ZDHHC7: variants seen among roughly 807,000 people sequenced by gnomAD.
ZDHHC7 encodes palmitoyltransferase ZDHHC7.
Under a neutral mutation model 34.1 loss-of-function variants are expected in ZDHHC7, and 12 were observed. That is an observed-to-expected ratio of 0.35 (90% CI 0.23 to 0.57). The LOEUF (loss-of-function observed/expected upper bound fraction) is 0.57, where lower values mean the gene tolerates loss of function less well. ZDHHC7 is among the 20% of genes least tolerant of loss of function. The pLI is 0.84. For synonymous variants in ZDHHC7, 185 were observed against 155.4 expected, an observed-to-expected ratio of 1.19 and a Z score of -1.42; for missense variants, 388 against 402.7, an observed-to-expected ratio of 0.96 and a Z score of 0.31.
At chr16:84,991,885 T>C (rs762942616) in intron 2 of ZDHHC7, among the ~76,000 whole-genome samples, 5 of 152,020 alleles carry the variant, frequency 3.3e-5, no homozygotes, top group Admixed American at 2.0e-4. Flanking sequence ...TCTAAGAACA[T>C]ACAAGATCTA....
At chr16:85,020,929 T>A in the ZDHHC7 span, among the ~76,000 whole-genome samples, 1 of 150,644 alleles carries the variant, frequency 6.6e-6, no homozygotes, top group Admixed American at 6.6e-5. Context: ...ACATAGTGAG[T>A]CCCCATCTCA....
the ZDHHC7 span, among the ~76,000 whole-genome samples, chr16:85,017,384 C>T: frequency 1.1e-4 from 17 of 152,236 alleles, no homozygotes; most frequent in African/African-American, 3.4e-4. Context: ...GCGGAACAAC[C>T]GAACTTCCGC....
upstream of ZDHHC7, among the ~76,000 whole-genome samples, chr16:85,012,424 G>T (rs1339028500): frequency 6.7e-6 from 1 of 148,300 alleles, no homozygotes; most frequent in African/African-American, 2.5e-5. Flanking sequence ...ATAAAATTAT[G>T]ACTCTCACAC....
upstream of ZDHHC7, among the ~76,000 whole-genome samples, chr16:85,011,918 G>A (rs1351792033): frequency 6.6e-6 from 1 of 152,220 alleles, no homozygotes; most frequent in African/African-American, 2.4e-5. Context: ...GAGTGGAAAT[G>A]GCTGAGCCAG....
intron 1 of ZDHHC7, among the ~76,000 whole-genome samples, chr16:85,011,038 G>C (rs1387099667): frequency 6.6e-6 from 1 of 152,258 alleles, no homozygotes; most frequent in African/African-American, 2.4e-5. Context: ...CCCAAGGTCA[G>C]GCAAAAAGCT....
intron 1 of ZDHHC7, chr16:85,004,869 A>G (rs1053588173): frequency 2.0e-5 from 3 of 152,248 alleles, no homozygotes; most frequent in African/African-American, 7.2e-5. Flanking sequence ...AGAAATGCAC[A>G]AGGGTTATAG....
upstream of ZDHHC7, among the ~76,000 whole-genome samples, chr16:85,012,960 G>A (rs1439276210): frequency 2.0e-5 from 3 of 152,136 alleles, no homozygotes; most frequent in South Asian, 2.1e-4. Flanking sequence ...ATGCCTCTTC[G>A]ACAGAAAAAT....
Position 84,998,749 on chromosome 16 carries a change from CTTTTTTTTTTT to C in ZDHHC7, c.-103-2753_-103-2743del, listed in dbSNP as rs71151260. Among the ~76,000 whole-genome samples the C allele has an allele frequency of 2.9e-3, 329 of 112,546 alleles. 2 individuals are homozygous for C. The highest frequency in any genetic ancestry group is 3.3e-3 in the Non-Finnish European group (186 of 56,428). 73.8% of individuals were successfully genotyped at this position (112,546 alleles called of 152,430 possible). On this transcript the variant is annotated intron_variant, in intron 1 of 7. Transcript: ENST00000313732. ...CTCCAGCTCTCAATCCCTTCTGAACCTTTTTTTTTTTTTTTTTTTTTTGAGATGGAGTCTCA... is the reference window on the plus strand; with the variant it reads ...CTCCAGCTCTCAATCCCTTCTGAACCTTTTTTTTTTTGAGATGGAGTCTCA...
intron 3 of ZDHHC7, among the ~76,000 whole-genome samples, chr16:84,987,694 C>A (rs907503385): frequency 1.4e-4 from 21 of 152,188 alleles, no homozygotes; most frequent in African/African-American, 5.1e-4. Flanking sequence ...GCAGAACTCG[C>A]CCAGATGCCC....
rs530748011 is a variant in ZDHHC7 at position 85,011,431 on chromosome 16, T to C, written c.-249A>G. On this transcript the variant is annotated 5_prime_UTR_variant, in exon 1 of 8. Coordinates refer to ENST00000313732, the MANE Select transcript of ZDHHC7 (RefSeq NM_017740.3). ...GCGGGCCCCGCGGCTCGGCTCGGCT[T>C]GGTCCCCTGGGTCCCGCCGGGCAGG... 9.1e-4 allele frequency: 138 copies of C among 152,228 alleles called. 1 individual carries two copies. Among genetic ancestry groups the C allele is most frequent in the African/African-American group, 3.1e-3 (129 of 41,528 alleles). The allele number at this position is 152,228 out of a possible 1,614,324, so 9.4% of individuals were successfully genotyped here. A position where few individuals can be genotyped will look rare whatever the true frequency, so the allele number is the denominator to read the frequency against.
chr16:85,021,621 G>A, the ZDHHC7 span, among the ~76,000 whole-genome samples: 1 of 151,956 alleles, frequency 6.6e-6, no homozygotes, highest in African/African-American at 2.4e-5. Context: ...AGAAGACTGA[G>A]GCACGAGAAT....
chr16:85,009,041 G>A (rs58260121), intron 1 of ZDHHC7, among the ~76,000 whole-genome samples: 26,098 of 115,762 alleles, frequency 0.23, 2,475 homozygotes, highest in African/African-American at 0.39. Context: ...GCGAAACTCC[G>A]TCTCAAAAAA....
chr16:85,021,441 G>A, the ZDHHC7 span, among the ~76,000 whole-genome samples: 1 of 148,300 alleles, frequency 6.7e-6, no homozygotes, highest in Non-Finnish European at 1.5e-5. Context: ...AGGCGTGGTG[G>A]CTCACACCTA....
intron 1 of ZDHHC7, among the ~76,000 whole-genome samples, chr16:84,998,927 G>C (rs1000132206): frequency 2.0e-5 from 3 of 151,868 alleles, no homozygotes; most frequent in African/African-American, 7.3e-5. Context: ...CTAATTTTTT[G>C]TATTTTTAGT....
intron 1 of ZDHHC7, among the ~76,000 whole-genome samples, chr16:84,997,025 CA>C (rs11314476): frequency 0.12 from 12,485 of 107,544 alleles, 667 homozygotes; most frequent in African/African-American, 0.19. Flanking sequence ...GACTCTGTCT[CA>C]AAAAAAAAAA....
intron 1 of ZDHHC7, among the ~76,000 whole-genome samples, chr16:85,001,998 C>G (rs898973376): frequency 6.6e-6 from 1 of 152,090 alleles, no homozygotes; most frequent in Non-Finnish European, 1.5e-5. Context: ...ACAATACACA[C>G]ACACAATCAT....
intron 2 of ZDHHC7, among the ~76,000 whole-genome samples, chr16:84,993,046 T>A (rs1313963302): frequency 1.3e-5 from 2 of 152,194 alleles, no homozygotes; most frequent in African/African-American, 4.8e-5. Context: ...TTAAAAAATG[T>A]TTAAGGCTGG....
At chr16:84,981,791 G>A in intron 4 of ZDHHC7, 79 bp downstream of exon 4, 1 of 1,606,410 alleles carries the variant, frequency 6.2e-7, no homozygotes, top group Non-Finnish European at 8.5e-7. Context: ...TACGGTGGTG[G>A]GCGCACTCTG....
chr16:84,988,337 G>A (rs2072464361), intron 3 of ZDHHC7, among the ~76,000 whole-genome samples: 1 of 152,120 alleles, frequency 6.6e-6, no homozygotes, highest in Admixed American at 6.5e-5. Context: ...ACTGGGTGAT[G>A]GTTGGACACT....
Sources: gnomAD v4.1 joint callset for allele counts (sites outside exome capture counted in the v4.1 genomes callset) on GRCh38, gnomAD v4.1.1 for gene constraint, MANE v1.5 for transcripts, NCBI Gene and HGNC (gene_info 2026-07-23, HGNC 2026-07-21) for gene names.